Variants in BBS4 observed in about 807,000 individuals in gnomAD.
BBS4 encodes the protein BBSome complex member BBS4.
Under a neutral mutation model 71.4 loss-of-function variants are expected in BBS4, and 58 were observed. That is an observed-to-expected ratio of 0.81 (90% CI 0.66 to 1.01). The LOEUF (loss-of-function observed/expected upper bound fraction) is 1.01, where lower values mean the gene tolerates loss of function less well. Ranked by LOEUF, BBS4 falls within the 50% of genes least tolerant of loss-of-function variation. The pLI is 0.00. For missense variants in BBS4, 660 were observed against 607.9 expected (o/e 1.09, Z -0.90); for synonymous variants, 228 against 216.8 (o/e 1.05, Z -0.46).
intron 1 of BBS4, among the ~76,000 whole-genome samples, chr15:72,690,016 TA>T (rs1456032848): frequency 6.6e-6 from 1 of 152,046 alleles, no homozygotes; most frequent in Non-Finnish European, 1.5e-5. Flanking sequence ...TTCACCGTGT[TA>T]GCCAGGATGG....
At position 72,715,521 on chromosome 15, in the gene BBS4, T is replaced by G. The variant is rs555246345; in HGVS notation, c.332+119T>G. Reference sequence around the variant, plus strand: ...CCTGATACACAAGTGGGGGAATGGTTTAATAGGTACAGTGGGATTCACTCT... The same window carrying G: ...CCTGATACACAAGTGGGGGAATGGTGTAATAGGTACAGTGGGATTCACTCT... On this transcript the variant is annotated intron_variant, in intron 5 of 15. Coordinates refer to ENST00000268057, the MANE Select transcript of BBS4 (RefSeq NM_033028.5). 4.3e-4 allele frequency: 330 copies of G among 762,930 alleles called. No homozygotes were observed. In the South Asian group the frequency reaches 4.5e-3, roughly 10 times the overall value. 47.3% of individuals were successfully genotyped at this position (762,930 alleles called of 1,614,324 possible).
chr15:72,692,043 A>T (rs1160039612), intron 1 of BBS4, among the ~76,000 whole-genome samples: 2 of 151,560 alleles, frequency 1.3e-5, no homozygotes, highest in African/African-American at 2.4e-5. Flanking sequence ...CATTTTATGG[A>T]GTAAGAGTAA....
intron 6 of BBS4, among the ~76,000 whole-genome samples, chr15:72,718,771 A>G (rs985977808): frequency 2.0e-5 from 3 of 152,198 alleles, no homozygotes; most frequent in African/African-American, 7.2e-5. Flanking sequence ...ACTCAACTAG[A>G]ATAGGAAATG....
Position 72,722,273 on chromosome 15 carries a change from G to A in BBS4, c.406-521G>A, listed in dbSNP as rs185940336. Among the ~76,000 whole-genome samples, 119 of 152,292 alleles carry A rather than the reference G, an allele frequency of 7.8e-4. 1 individual carries two copies. Among genetic ancestry groups the A allele is most frequent in the Non-Finnish European group, 1.3e-3 (91 of 68,010 alleles). ...TCCATCACAGCAGACTCCAGGTGGC[G>A]CTGTCAGTCCTCAAGTTCACATCAC... is the stretch of plus-strand genomic sequence containing the variant. On this transcript the variant is annotated intron_variant, in intron 6 of 15. Coordinates refer to ENST00000268057, the MANE Select transcript of BBS4 (RefSeq NM_033028.5).
chr15:72,735,069 C>T, intron 12 of BBS4, 44 bp from the exon 13 acceptor site: 2 of 1,474,816 alleles, frequency 1.4e-6, no homozygotes, highest in Non-Finnish European at 1.9e-6. Flanking sequence ...CTCCTTTTGT[C>T]TTCTAAGCTG....
intron 10 of BBS4, among the ~76,000 whole-genome samples, chr15:72,730,120 C>CA (rs374726380): frequency 0.18 from 27,161 of 150,774 alleles, 2,802 homozygotes; most frequent in African/African-American, 0.28. Context: ...ACTAAAAATA[C>CA]AAAAAAATTA....
rs1483184199 is a variant in BBS4 at position 72,735,937 on chromosome 15, G to T, written c.1219G>T (p.Asp407Tyr). The T allele has an allele frequency of 1.9e-6, 3 of 1,613,958 alleles. No homozygotes were observed. In the African/African-American group the frequency reaches 4.0e-5, roughly 22 times the overall value. ...EMEKKVSLLK[D>Y]NSSLEFDSEM... is the part of the protein sequence containing the mutation. ...GGAGAAGAAAGTCAGCCTACTCAAG[G>T]ACAATAGCTCTCTGGAATTTGACTC... Residue 407 changes from aspartate (D) to tyrosine (Y), a missense_variant, in exon 14 of 16, where the codon GAC becomes TAC. Physicochemically the swap from Asp to Tyr is radical, Grantham distance 160. Transcript: ENST00000268057.
intron 1 of BBS4, chr15:72,686,483 G>T (rs1279089637): frequency 2.0e-6 from 3 of 1,527,756 alleles, no homozygotes; most frequent in Non-Finnish European, 2.6e-6. Context: ...CTCTTGGGGT[G>T]CGCTGGACGG....
intron 9 of BBS4, among the ~76,000 whole-genome samples, chr15:72,728,515 C>A (rs2065745625): frequency 6.6e-6 from 1 of 151,716 alleles, no homozygotes; most frequent in African/African-American, 2.4e-5. Flanking sequence ...AAAAAAAATT[C>A]TTATGCTATC....
At chr15:72,699,091 A>G (rs985158343) in intron 2 of BBS4, among the ~76,000 whole-genome samples, 1 of 151,698 alleles carries the variant, frequency 6.6e-6, no homozygotes, top group African/African-American at 2.4e-5. Flanking sequence ...CTATTTGTCT[A>G]TTGTAATCTG....
At chr15:72,723,275 T>C (rs2065609159) in intron 7 of BBS4, among the ~76,000 whole-genome samples, 1 of 152,210 alleles carries the variant, frequency 6.6e-6, no homozygotes, top group Non-Finnish European at 1.5e-5. Context: ...TAAGTGGATC[T>C]GATTTCTGAG....
At chr15:72,725,307 G>A (rs571249989) in intron 8 of BBS4, among the ~76,000 whole-genome samples, 3 of 152,174 alleles carry the variant, frequency 2.0e-5, no homozygotes, top group African/African-American at 7.2e-5. Flanking sequence ...GGGCTCAAGC[G>A]ATCCTCCTGC....
chr15:72,688,127 A>G (rs1595899883), intron 1 of BBS4, among the ~76,000 whole-genome samples: 1 of 151,462 alleles, frequency 6.6e-6, no homozygotes, highest in Non-Finnish European at 1.5e-5. Context: ...TAACATTGCT[A>G]CAAATATAGC....
chr15:72,727,967 T>TA lies in BBS4; in HGVS notation c.616dup (p.Thr206AsnfsTer18), dbSNP rs775903241. The TA allele has an allele frequency of 6.8e-6, 11 of 1,612,800 alleles. No individual in the cohort carries two copies. The highest frequency in any genetic ancestry group is 9.3e-6 in the Non-Finnish European group (11 of 1,178,914). On this transcript the variant is annotated frameshift_variant, in exon 9 of 16. Coordinates refer to ENST00000268057, the MANE Select transcript of BBS4 (RefSeq NM_033028.5). LOFTEE classifies it high-confidence loss of function. ...TCTCACCAGAAAATACAGAGCTTCT[T>TA]ACAACTTTAGGATTACTCTACTTAC...
At chr15:72,708,128 G>C (rs753331662) in intron 2 of BBS4, among the ~76,000 whole-genome samples, 6 of 151,992 alleles carry the variant, frequency 3.9e-5, no homozygotes, top group Non-Finnish European at 8.8e-5. Context: ...TACCACACCC[G>C]GCTAATTTTT....
chr15:72,725,165 ATCT>A (rs1420724900), intron 8 of BBS4, among the ~76,000 whole-genome samples: 2 of 151,726 alleles, frequency 1.3e-5, no homozygotes, highest in African/African-American at 4.8e-5. Flanking sequence ...GGCTAAAGCA[ATCT>A]TCCTACCTCA....
At chr15:72,705,710 GCCTC>G (rs2065253360) in intron 2 of BBS4, among the ~76,000 whole-genome samples, 1 of 145,038 alleles carries the variant, frequency 6.9e-6, no homozygotes, top group African/African-American at 2.6e-5. Flanking sequence ...TCCTAACTCA[GCCTC>G]CTGAGTAGCT....
At chr15:72,699,798 G>A (rs1032822694) in intron 2 of BBS4, among the ~76,000 whole-genome samples, 1 of 152,144 alleles carries the variant, frequency 6.6e-6, no homozygotes, top group Non-Finnish European at 1.5e-5. Flanking sequence ...AGATTCATCC[G>A]TGTTGTTATA....
At chr15:72,697,387 C>A (rs1034792090) in intron 2 of BBS4, among the ~76,000 whole-genome samples, 1 of 152,114 alleles carries the variant, frequency 6.6e-6, no homozygotes, top group Non-Finnish European at 1.5e-5. Flanking sequence ...CAGGTTTTTT[C>A]AGCTTTGGCA....
Sources: gnomAD v4.1 joint callset for allele counts (sites outside exome capture counted in the v4.1 genomes callset) on GRCh38, gnomAD v4.1.1 for gene constraint, MANE v1.5 for transcripts, NCBI Gene and HGNC (gene_info 2026-07-23, HGNC 2026-07-21) for gene names.